Variants in ELMO2 observed in about 807,000 individuals in gnomAD.
ELMO2 encodes the protein engulfment and cell motility 2.
A neutral mutation model predicts 96.2 loss-of-function variants in ELMO2; 37 were observed. That is an observed-to-expected ratio of 0.38 (90% CI 0.30 to 0.51). The LOEUF (loss-of-function observed/expected upper bound fraction) is 0.51. Ranked by LOEUF, ELMO2 falls within the 20% of genes least tolerant of loss-of-function variation. The probability of loss-of-function intolerance (pLI) is 0.88; values close to 1 mark genes in which losing one functional copy is unlikely to be tolerated. For synonymous variants in ELMO2, 315 were observed against 329.4 expected (o/e 0.96, Z 0.47); for missense variants, 561 against 912.6 (o/e 0.61, Z 4.96).
chr20:46,382,773 T>G (rs746818609), intron 10 of ELMO2, among the ~76,000 whole-genome samples: 3 of 152,224 alleles, frequency 2.0e-5, no homozygotes, highest in Non-Finnish European at 4.4e-5. Context: ...AAGGCAGATG[T>G]TGTTGCTCCC....
At chr20:46,390,096 T>A (rs992867778) in intron 6 of ELMO2, among the ~76,000 whole-genome samples, 1 of 151,998 alleles carries the variant, frequency 6.6e-6, no homozygotes, top group African/African-American at 2.4e-5. Flanking sequence ...GAGGCTGCAG[T>A]GAGCCAAGAT....
chr20:46,374,284 T>C, intron 15 of ELMO2, 48 bp downstream of exon 15: 2 of 1,496,432 alleles, frequency 1.3e-6, no homozygotes, highest in South Asian at 1.1e-5. Context: ...CTCACTGAGC[T>C]CTTGATGACA....
chr20:46,371,335 C>T lies in ELMO2; in HGVS notation c.1801+17G>A. On this transcript the variant is annotated intron_variant, in intron 19 of 21. Transcript: ENST00000290246. This position sits in a 1 kb window ranked among gnomAD's most constrained non-coding sequence, Gnocchi z 5.9. ...AAGTCCAGCAACCATGACACATCAA[C>T]AGAGAAATGAACCTACTTTTCTCCT... 1 of 1,612,138 alleles carries T rather than the reference C, an allele frequency of 6.2e-7. No homozygotes were observed. Among genetic ancestry groups the T allele is most frequent in the South Asian group, 1.1e-5 (1 of 90,990 alleles).
In ELMO2 at chr20:46,371,028, AG is replaced by A. The variant is rs1278421087; in HGVS notation, c.1801+323del. Among the ~76,000 whole-genome samples, 3 of 152,378 alleles carry A rather than the reference AG, an allele frequency of 2.0e-5. No individual in the cohort carries two copies. In the East Asian group the frequency reaches 5.8e-4, roughly 29 times the overall value. ...CAGAGGGGAGAACTTGCAATTAATT[AG>A]AATTCAAGTTAATTAGGAGCAAAGC... On this transcript the variant is annotated intron_variant, in intron 19 of 21. Coordinates refer to ENST00000290246, the MANE Select transcript of ELMO2 (RefSeq NM_133171.5). This position sits in a 1 kb window ranked among gnomAD's most constrained non-coding sequence, Gnocchi z 5.9.
chr20:46,386,302 G>A (rs1450805349), intron 8 of ELMO2, 27 bp from the exon 9 acceptor site: 2 of 1,611,824 alleles, frequency 1.2e-6, no homozygotes, highest in Non-Finnish European at 1.7e-6. Flanking sequence ...CACATCAATT[G>A]AGAAGCTCAG....
chr20:46,369,061 A>T, intron 20 of ELMO2, 93 bp from the exon 21 acceptor site: 1 of 1,154,448 alleles, frequency 8.7e-7, no homozygotes, highest in Non-Finnish European at 1.3e-6. Context: ...CGGCATCATC[A>T]CCAAACATGC....
rs2060193733 is a variant in ELMO2, at chr20:46,393,550, A to G, written c.171T>C (p.Pro57=). Reference sequence around the variant, plus strand: ...TAACCTGTTCGGTGATGTACAGCTGAGGACCATCTGCATAACGGAGGGTAT... The same window carrying G: ...TAACCTGTTCGGTGATGTACAGCTGGGGACCATCTGCATAACGGAGGGTAT... ...EYYTLRYADG[P]QLYITEQTRS... Residue 57 remains proline (P), a synonymous_variant, in exon 5 of 22, where the codon CCT becomes CCC. Transcript: ENST00000290246. 6.2e-7 allele frequency: 1 copy of G among 1,614,200 alleles called. No individual in the cohort carries two copies. Among genetic ancestry groups the G allele is most frequent in the South Asian group, 1.1e-5 (1 of 91,086 alleles).
intron 8 of ELMO2, among the ~76,000 whole-genome samples, chr20:46,386,742 T>C (rs1460833441): frequency 1.3e-5 from 2 of 152,218 alleles, no homozygotes; most frequent in Non-Finnish European, 2.9e-5. Context: ...GTCATTTCAC[T>C]TGTGTCCAGT....
chr20:46,387,506 G>T, intron 7 of ELMO2, 69 bp from the exon 8 acceptor site: 1 of 1,291,166 alleles, frequency 7.7e-7, no homozygotes, highest in Non-Finnish European at 1.1e-6. Context: ...TGTGAGGGCA[G>T]CCACAAAAAA....
chr20:46,383,392 A>G (rs371437764), intron 10 of ELMO2, 24 bp downstream of exon 10: 2 of 1,610,008 alleles, frequency 1.2e-6, no homozygotes, highest in Non-Finnish European at 1.7e-6. Flanking sequence ...CCCAGATGAA[A>G]AATGTGAAAA....
intron 11 of ELMO2, among the ~76,000 whole-genome samples, chr20:46,376,474 T>C (rs756511967): frequency 8.5e-5 from 13 of 152,184 alleles, no homozygotes; most frequent in Non-Finnish European, 1.8e-4. Context: ...CCCCTGTCGG[T>C]TCATCACCTC....
chr20:46,373,071 AG>A (rs1196245675), intron 16 of ELMO2: 1 of 238,370 alleles, frequency 4.2e-6, no homozygotes, highest in Non-Finnish European at 8.3e-6. Flanking sequence ...ACAAAACTAC[AG>A]CAGTACCTGC....
At chr20:46,369,033 G>T in intron 20 of ELMO2, 65 bp from the exon 21 acceptor site, 1 of 1,477,754 alleles carries the variant, frequency 6.8e-7, no homozygotes, top group Non-Finnish European at 9.5e-7. Context: ...CAAGATCTTG[G>T]CCAAAGTCCT....
In ELMO2 at chr20:46,374,310, AG is replaced by A. The variant is rs1600829485; in HGVS notation, c.1279+21del. On this transcript the variant is annotated intron_variant, in intron 15 of 21. Transcript: ENST00000290246. ...CTTGATGACAAGGAATGGCTGAAGA[AG>A]AGGGAGCTGCAGAGACTTACGTAGT... 3 of 1,578,966 alleles carry A rather than the reference AG, an allele frequency of 1.9e-6. No individual in the cohort carries two copies. In the East Asian group the frequency reaches 6.7e-5, roughly 36 times the overall value.
rs899980540 is a variant in ELMO2 at position 46,374,583 on chromosome 20, C to T, written c.1123G>A (p.Asp375Asn). ...TQTPPGMLALDNMLYLAKVHQ... is the reference protein window; with the variant it reads ...TQTPPGMLALNNMLYLAKVHQ... ...ACTTTAGCCAAGTACAGCATGTTGTCCAAGGCCAGCATTCCAGGAGGAGTC... is the reference window on the plus strand; with the variant it reads ...ACTTTAGCCAAGTACAGCATGTTGTTCAAGGCCAGCATTCCAGGAGGAGTC... Residue 375 changes from aspartate (D) to asparagine (N), a missense_variant, in exon 14 of 22, where the codon GAC becomes AAC. Transcript: ENST00000290246. 1 of 1,614,054 alleles carries T rather than the reference C, an allele frequency of 6.2e-7. No individual in the cohort carries two copies. Among genetic ancestry groups the T allele is most frequent in the African/African-American group, 1.3e-5 (1 of 74,914 alleles).
rs776049108 is a variant in ELMO2 at position 46,371,862 on chromosome 20, T to C, written c.1524A>G (p.Leu508=). The C allele has an allele frequency of 3.1e-6, 5 of 1,614,176 alleles. No homozygotes were observed. The South Asian group carries it at 5.5e-5, about 18-fold the overall frequency. Residue 508 remains leucine (L), a synonymous_variant, in exon 17 of 22, where the codon CTA becomes CTG. Coordinates refer to ENST00000290246, the MANE Select transcript of ELMO2 (RefSeq NM_133171.5). The surrounding 1 kb of genome is among the most constrained non-coding windows in gnomAD (Gnocchi z 5.9). Reference sequence around the variant, plus strand: ...TCATCCTCTCAGACTGGCGCAGTCGTAGAATCTCAGAGTAACTCAGGCTAC... The same window carrying C: ...TCATCCTCTCAGACTGGCGCAGTCGCAGAATCTCAGAGTAACTCAGGCTAC... ...KLRSLSYSEI[L]RLRQSERMSQ... is the part of the protein sequence containing the mutation.
chr20:46,374,110 T>G (rs1384294580), intron 15 of ELMO2, among the ~76,000 whole-genome samples: 9 of 145,534 alleles, frequency 6.2e-5, no homozygotes, highest in Non-Finnish European at 1.2e-4. Context: ...TTTTTTTTTT[T>G]TTTTTTTTTT....
intron 11 of ELMO2, among the ~76,000 whole-genome samples, chr20:46,377,172 A>ATGT (rs3091508): frequency 0.99 from 151,354 of 152,298 alleles, 75,211 homozygotes; most frequent in Middle Eastern, 1. Context: ...GGCCCATGAA[A>ATGT]TGTTAGGCCA....
chr20:46,397,096 T>C (rs73908701), intron 2 of ELMO2, among the ~76,000 whole-genome samples: 44 of 152,352 alleles, frequency 2.9e-4, no homozygotes, highest in African/African-American at 9.9e-4. Flanking sequence ...TGACCCCATA[T>C]GACATATCCT....
Sources: gnomAD v4.1 joint callset for allele counts (sites outside exome capture counted in the v4.1 genomes callset) on GRCh38, gnomAD v4.1.1 for gene constraint, Gnocchi (gnomAD v3.1) non-coding constraint, MANE v1.5 for transcripts, NCBI Gene and HGNC (gene_info 2026-07-23, HGNC 2026-07-21) for gene names.